The following ESRRG variants were observed in gnomAD, a reference collection of about 807,000 sequenced individuals.
The protein encoded by ESRRG is estrogen related receptor gamma.
ESRRG carries 13 observed loss-of-function variants against 44.0 expected under a neutral mutation model. The ratio of observed to expected loss-of-function variants is 0.30; its 90% CI spans 0.19 to 0.47. The LOEUF is 0.47. Among genes scored for constraint, ESRRG ranks in the 20% least tolerant of loss-of-function variants. ESRRG has a pLI of 1.00. For missense variants in ESRRG, 395 were observed against 580.6 expected (o/e 0.68, Z 3.29); for synonymous variants, 215 against 214.6 (o/e 1.00, Z -0.02).
chr1:216,974,184 G>C (rs1253395642), intron 1 of ESRRG, among the ~76,000 whole-genome samples: 6 of 152,064 alleles, frequency 3.9e-5, no homozygotes, highest in Non-Finnish European at 8.8e-5. Flanking sequence ...AAAGACTATA[G>C]TTAAAAGTAC....
At chr1:216,756,751 ACT>A (rs914319650) in intron 2 of ESRRG, among the ~76,000 whole-genome samples, 28 of 151,998 alleles carry the variant, frequency 1.8e-4, no homozygotes, top group African/African-American at 6.5e-4. Context: ...AGCTGAAAAT[ACT>A]CTTAGTACTC....
chr1:216,815,959 A>G (rs2095123726), intron 2 of ESRRG, among the ~76,000 whole-genome samples: 1 of 152,162 alleles, frequency 6.6e-6, no homozygotes, highest in Non-Finnish European at 1.5e-5. Flanking sequence ...CTTCCAGAGG[A>G]AAATGTTTAT....
chr1:216,522,863 A>C (rs2046512541), intron 5 of ESRRG, among the ~76,000 whole-genome samples: 1 of 152,134 alleles, frequency 6.6e-6, no homozygotes, highest in Non-Finnish European at 1.5e-5. Flanking sequence ...CTTGTATCCA[A>C]ATGATAATTA....
intron 6 of ESRRG, among the ~76,000 whole-genome samples, chr1:216,512,429 C>T (rs1228273381): frequency 2.0e-5 from 3 of 152,044 alleles, no homozygotes; most frequent in African/African-American, 7.3e-5. Context: ...GAAGGAGGAA[C>T]TTTGGAGTAC....
chr1:216,824,482 A>ATTT (rs199897227), intron 2 of ESRRG, among the ~76,000 whole-genome samples: 12 of 145,398 alleles, frequency 8.3e-5, no homozygotes, highest in African/African-American at 2.5e-4. Flanking sequence ...AGTCATTTTA[A>ATTT]TTTTTTTTTT....
intron 6 of ESRRG, among the ~76,000 whole-genome samples, chr1:216,518,121 A>G (rs2044941527): frequency 6.6e-6 from 1 of 152,174 alleles, no homozygotes; most frequent in Non-Finnish European, 1.5e-5. Flanking sequence ...GTCGTCATCC[A>G]CAAGTAAGCA....
At position 216,677,065 on chromosome 1, in the gene ESRRG, C is replaced by G; in HGVS notation, c.472+11G>C. The G allele has an allele frequency of 6.2e-7, 1 of 1,607,632 alleles. No homozygotes were observed. The highest frequency in any genetic ancestry group is 1.3e-5 in the African/African-American group (1 of 74,924). On this transcript the variant is annotated intron_variant, in intron 2 of 6. Transcript: ENST00000408911. Reference sequence around the variant, plus strand: ...GGAAGTGGGGAGAGTATTCCCAGGTCCGACACTAACCTTGAATTGTCCTCT... The same window carrying G: ...GGAAGTGGGGAGAGTATTCCCAGGTGCGACACTAACCTTGAATTGTCCTCT...
At chr1:216,723,451 C>G (rs1360463118), upstream of ESRRG, 1 of 675,998 alleles carries the variant, frequency 1.5e-6, no homozygotes, top group Non-Finnish European at 2.6e-6. Flanking sequence ...TAATCAAGGA[C>G]TTAAAGCCCC....
chr1:216,548,778 T>C (rs1379734740), intron 5 of ESRRG, among the ~76,000 whole-genome samples: 2 of 152,074 alleles, frequency 1.3e-5, no homozygotes, highest in African/African-American at 4.8e-5. Context: ...CTCTAAGCTT[T>C]AGGAAAGTGT....
intron 5 of ESRRG, among the ~76,000 whole-genome samples, chr1:216,547,201 G>T (rs1339498734): frequency 6.6e-6 from 1 of 151,900 alleles, no homozygotes; most frequent in Non-Finnish European, 1.5e-5. Flanking sequence ...TCAGTATCAG[G>T]CCTGGCACCT....
At chr1:217,012,094 C>A (rs1214570501) in intron 1 of ESRRG, among the ~76,000 whole-genome samples, 1 of 152,012 alleles carries the variant, frequency 6.6e-6, no homozygotes, top group African/African-American at 2.4e-5. Context: ...ATAAGTAAAA[C>A]TTTGGAGGGG....
rs11117768 is a variant in ESRRG, at chr1:217,076,006, T to C, written c.-106+13501A>G. Reference sequence around the variant, plus strand: ...CAGTATGACACCTGTATATGTACAATGATGCATCTATTCAGAAGAATCTAT... The same window carrying C: ...CAGTATGACACCTGTATATGTACAACGATGCATCTATTCAGAAGAATCTAT... On this transcript the variant is annotated intron_variant, in intron 1 of 7. Transcript: ENST00000359162. Among the ~76,000 whole-genome samples, 1,006 of 152,316 alleles carry C rather than the reference T, an allele frequency of 6.6e-3. 13 individuals are homozygous for C. The highest frequency in any genetic ancestry group is 0.023 in the African/African-American group (964 of 41,558).
intron 1 of ESRRG, among the ~76,000 whole-genome samples, chr1:217,136,684 C>A (rs2093054873): frequency 6.6e-6 from 1 of 152,186 alleles, no homozygotes; most frequent in Non-Finnish European, 1.5e-5. Flanking sequence ...CGCCCTTCCC[C>A]TTTCCTTTTG....
At position 216,506,732 on chromosome 1, in the gene ESRRG, A is replaced by C. The variant is rs1468781035; in HGVS notation, c.*207T>G. On this transcript the variant is annotated 3_prime_UTR_variant, in exon 7 of 7. Transcript: ENST00000408911. ...AAAGAGAAATGTGGGAAGAAAGAGG[A>C]AAGAAGATGATGGAGAAAGTAGAAA... The C allele has an allele frequency of 6.0e-5, 39 of 652,052 alleles. 1 individual carries two copies. In the South Asian group the frequency reaches 6.1e-4, roughly 10 times the overall value. 40.4% of individuals were successfully genotyped at this position (652,052 alleles called of 1,614,324 possible).
At chr1:216,867,825 A>G (rs1427998197) in intron 2 of ESRRG, among the ~76,000 whole-genome samples, 6 of 152,108 alleles carry the variant, frequency 3.9e-5, no homozygotes, top group Admixed American at 6.5e-5. Flanking sequence ...ATCTTAACAC[A>G]TGAATAGGTT....
intron 1 of ESRRG, among the ~76,000 whole-genome samples, chr1:216,690,187 C>T (rs185919903): frequency 5.9e-5 from 9 of 151,952 alleles, no homozygotes; most frequent in Middle Eastern, 3.4e-3. Context: ...TAATATTAGC[C>T]CTAAGCTGAA....
Position 216,988,681 on chromosome 1 carries a change from C to T in ESRRG, c.-105-49008G>A, listed in dbSNP as rs778818692. On this transcript the variant is annotated intron_variant, in intron 1 of 7. Coordinates refer to the ESRRG transcript ENST00000359162. ...TTGATAATACCATATTTGTATATTT[C>T]CCTGGCTTAGATTCTGGTACTTGAA... Among the ~76,000 whole-genome samples, 17 of 152,246 alleles carry T rather than the reference C, an allele frequency of 1.1e-4. No homozygotes were observed. The South Asian group carries it at 1.2e-3, about 11-fold the overall frequency.
intron 5 of ESRRG, among the ~76,000 whole-genome samples, chr1:216,538,849 A>G (rs1021502644): frequency 1.3e-5 from 2 of 152,078 alleles, no homozygotes; most frequent in African/African-American, 4.8e-5. Flanking sequence ...AAGATAATAG[A>G]AAATAAGCTC....
chr1:216,538,149 C>T (rs1458052201), intron 5 of ESRRG, among the ~76,000 whole-genome samples: 1 of 152,046 alleles, frequency 6.6e-6, no homozygotes, highest in Non-Finnish European at 1.5e-5. Context: ...TCTATTACTG[C>T]ATTGTGTCGA....
Sources: allele counts gnomAD v4.1 joint callset (sites outside exome capture counted in the v4.1 genomes callset), GRCh38; gene constraint gnomAD v4.1.1; transcripts MANE v1.5; gene names NCBI Gene and HGNC (gene_info 2026-07-23, HGNC 2026-07-21).